CRTAC1: variants seen among roughly 807,000 people sequenced by gnomAD.
The protein encoded by CRTAC1 is acidic secreted protein in cartilage.
In CRTAC1, 37 loss-of-function variants were observed where a neutral mutation model predicts 67.8. The ratio of observed to expected loss-of-function variants is 0.55; its 90% CI spans 0.42 to 0.72. The LOEUF (loss-of-function observed/expected upper bound fraction) is 0.72, where lower values mean the gene tolerates loss of function less well. Among genes scored for constraint, CRTAC1 ranks in the 30% least tolerant of loss-of-function variants. CRTAC1 has a pLI of 0.00. For synonymous variants in CRTAC1, 348 were observed against 371.0 expected (o/e 0.94, Z 0.71); for missense variants, 780 against 931.6 (o/e 0.84, Z 2.12).
intron 14 of CRTAC1, chr10:97,870,053 A>G (rs1221366107): frequency 6.6e-6 from 1 of 152,218 alleles, no homozygotes; most frequent in Non-Finnish European, 1.5e-5. Context: ...GGAGACTAAT[A>G]TCTCACAGAG....
At chr10:97,997,232 TAA>T (rs1842598323) in intron 2 of CRTAC1, among the ~76,000 whole-genome samples, 1 of 69,768 alleles carries the variant, frequency 1.4e-5, no homozygotes, top group South Asian at 3.9e-4. Flanking sequence ...ACTTAAAGTA[TAA>T]TAATAATAAT....
chr10:98,011,226 C>G lies in CRTAC1; in HGVS notation c.136G>C (p.Asp46His). ...TAVTNSVLPPDYDSNPTQLNY... is the reference protein window; with the variant it reads ...TAVTNSVLPPHYDSNPTQLNY... The stretch of plus-strand genomic sequence containing the variant: ...AGCTGGGTGGGATTACTGTCATAGT[C>G]AGGAGGCAGAACTGAGTTGGTGACT... The change falls in exon 2 of 15, where the codon GAC becomes CAC. Residue 46 changes from aspartate (D) to histidine (H), a missense_variant. Physicochemically the swap from Asp to His is moderately conservative, Grantham distance 81. Transcript: ENST00000370597. 6.2e-7 allele frequency: 1 copy of G among 1,614,218 alleles called. No individual in the cohort carries two copies. Among genetic ancestry groups the G allele is most frequent in the Non-Finnish European group, 8.5e-7 (1 of 1,180,044 alleles).
At chr10:98,024,938 T>C (rs1043537693) in intron 1 of CRTAC1, among the ~76,000 whole-genome samples, 2 of 151,974 alleles carry the variant, frequency 1.3e-5, no homozygotes, top group African/African-American at 4.8e-5. Context: ...GAAATATTAA[T>C]ATAGTCTCTA....
In CRTAC1 at chr10:98,030,495, C is replaced by A. The variant is rs1843351329; in HGVS notation, c.-23G>T. On this transcript the variant is annotated 5_prime_UTR_variant, in exon 1 of 15. Coordinates refer to ENST00000370597, the MANE Select transcript of CRTAC1 (RefSeq NM_018058.7). The surrounding 1 kb of genome is among the most constrained non-coding windows in gnomAD (Gnocchi z 4.2). ...CATCCTCCCGCTCTCGGCCCCGCCGCCTAGGGGCGTGGGAAGCGGGCGCTC... is the reference window on the plus strand; with the variant it reads ...CATCCTCCCGCTCTCGGCCCCGCCGACTAGGGGCGTGGGAAGCGGGCGCTC... 1 of 1,245,144 alleles carries A rather than the reference C, an allele frequency of 8.0e-7. No individual in the cohort carries two copies. The highest frequency in any genetic ancestry group is 1.6e-5 in the African/African-American group (1 of 64,286). 77.1% of individuals were successfully genotyped at this position (1,245,144 alleles called of 1,614,324 possible). A position where few individuals can be genotyped will look rare whatever the true frequency, so the allele number is the denominator to read the frequency against.
intron 2 of CRTAC1, among the ~76,000 whole-genome samples, chr10:97,940,388 T>C (rs1324172792): frequency 6.6e-6 from 1 of 152,246 alleles, no homozygotes; most frequent in African/African-American, 2.4e-5. Context: ...TTCTGGAGGC[T>C]TCAAAGCTAA....
chr10:97,939,949 T>C (rs547752132), intron 2 of CRTAC1, among the ~76,000 whole-genome samples: 2 of 152,226 alleles, frequency 1.3e-5, no homozygotes, highest in Non-Finnish European at 2.9e-5. Context: ...CATGTGCTTC[T>C]TGAGCTCAGG....
At chr10:97,880,132 A>T in intron 14 of CRTAC1, 117 bp downstream of exon 14, 1 of 1,232,798 alleles carries the variant, frequency 8.1e-7, no homozygotes, top group Middle Eastern at 2.8e-4. Context: ...GTCAAAGGAG[A>T]CTCTATCCAG....
chr10:97,977,931 C>T (rs1317072164), intron 2 of CRTAC1, among the ~76,000 whole-genome samples: 2 of 152,184 alleles, frequency 1.3e-5, no homozygotes, highest in Non-Finnish European at 2.9e-5. Context: ...GCTGCTGTTC[C>T]TGATGGGGAG....
intron 1 of CRTAC1, among the ~76,000 whole-genome samples, chr10:98,024,822 C>T (rs1285301988): frequency 7.7e-6 from 1 of 130,628 alleles, no homozygotes; most frequent in African/African-American, 2.9e-5. Flanking sequence ...CACACACACA[C>T]TCATAGAGAG....
intron 5 of CRTAC1, among the ~76,000 whole-genome samples, chr10:97,910,216 A>G (rs1370062211): frequency 6.6e-6 from 1 of 152,228 alleles, no homozygotes; most frequent in African/African-American, 2.4e-5. Flanking sequence ...GTCACCCCCA[A>G]AAAAGTATGT....
chr10:97,963,134 A>G (rs1337017760), intron 2 of CRTAC1, among the ~76,000 whole-genome samples: 1 of 152,034 alleles, frequency 6.6e-6, no homozygotes, highest in Non-Finnish European at 1.5e-5. Flanking sequence ...GCCTGGCCCC[A>G]GTGTCCTTGG....
intron 14 of CRTAC1, among the ~76,000 whole-genome samples, chr10:97,878,226 G>T (rs760063503): frequency 7.9e-5 from 12 of 152,214 alleles, no homozygotes; most frequent in Non-Finnish European, 1.3e-4. Flanking sequence ...CATCTCTGGA[G>T]CCCTTTCAGA....
At chr10:97,928,811 G>A (rs2050959765) in intron 3 of CRTAC1, among the ~76,000 whole-genome samples, 1 of 152,016 alleles carries the variant, frequency 6.6e-6, no homozygotes, top group Admixed American at 6.6e-5. Context: ...CCAGGGAGGG[G>A]GGTTTGTGCA....
chr10:98,005,010 T>C (rs1842755679), intron 2 of CRTAC1, among the ~76,000 whole-genome samples: 1 of 148,686 alleles, frequency 6.7e-6, no homozygotes, highest in African/African-American at 2.5e-5. Context: ...AAAATGGATT[T>C]TTACCTTGAC....
At chr10:97,929,407 T>C (rs1319423033) in intron 3 of CRTAC1, among the ~76,000 whole-genome samples, 2 of 152,130 alleles carry the variant, frequency 1.3e-5, no homozygotes, top group Non-Finnish European at 2.9e-5. Flanking sequence ...CATAAAGAAC[T>C]CTTCCAAAGG....
chr10:97,912,291 T>C (rs777097539), intron 5 of CRTAC1, among the ~76,000 whole-genome samples: 1 of 152,192 alleles, frequency 6.6e-6, no homozygotes, highest in Non-Finnish European at 1.5e-5. Context: ...CTCCTTGTTC[T>C]GCTGTTGGGG....
At chr10:97,878,791 C>T in intron 14 of CRTAC1, 4 of 1,061,350 alleles carry the variant, frequency 3.8e-6, no homozygotes, top group Non-Finnish European at 5.0e-6. Flanking sequence ...GCCCAACTCT[C>T]TTGTCATCTA....
intron 5 of CRTAC1, among the ~76,000 whole-genome samples, chr10:97,910,882 A>T (rs760230232): frequency 1.3e-5 from 2 of 152,206 alleles, no homozygotes; most frequent in African/African-American, 4.8e-5. Flanking sequence ...TAATCTCATT[A>T]GCTGCCAAAG....
At position 98,011,197 on chromosome 10, in the gene CRTAC1, G is replaced by A. The variant is rs1270378957; in HGVS notation, c.165C>T (p.Asn55=). Residue 55 remains asparagine, a synonymous_variant, in exon 2 of 15, where the codon AAC becomes AAT. Coordinates refer to ENST00000370597, the MANE Select transcript of CRTAC1 (RefSeq NM_018058.7). ...PDYDSNPTQL[N]YGVAVTDVDH... is the part of the protein sequence containing the mutation. ...CCACATCAGTAACTGCCACACCATA[G>A]TTGAGCTGGGTGGGATTACTGTCAT... 3 of 1,614,228 alleles carry A rather than the reference G, an allele frequency of 1.9e-6. No homozygotes were observed. The highest frequency in any genetic ancestry group is 2.5e-6 in the Non-Finnish European group (3 of 1,180,022).
Sources: allele counts gnomAD v4.1 joint callset (sites outside exome capture counted in the v4.1 genomes callset), GRCh38; gene constraint gnomAD v4.1.1; non-coding constraint Gnocchi (gnomAD v3.1); transcripts MANE v1.5; gene names NCBI Gene and HGNC (gene_info 2026-07-23, HGNC 2026-07-21).